The following ST3GAL4 variants were observed in gnomAD, a reference collection of about 807,000 sequenced individuals.
The protein encoded by ST3GAL4 is CMP-N-acetylneuraminate-beta-galactosamide-alpha-2,3-sialyltransferase 4.
A neutral mutation model predicts 42.6 loss-of-function variants in ST3GAL4; 24 were observed. The ratio of observed to expected loss-of-function variants is 0.56; its 90% CI spans 0.41 to 0.79. ST3GAL4 has a LOEUF of 0.79. Ranked by LOEUF, ST3GAL4 falls within the 30% of genes least tolerant of loss-of-function variation. The probability of loss-of-function intolerance (pLI) is 0.00; values close to 1 mark genes in which losing one functional copy is unlikely to be tolerated. For synonymous variants in ST3GAL4, 135 were observed against 163.2 expected (o/e 0.83, Z 1.32); for missense variants, 311 against 430.8 (o/e 0.72, Z 2.46).
chr11:126,393,337 T>A lies in ST3GAL4; in HGVS notation c.-60-12759T>A, dbSNP rs1953592877. 6.6e-6 allele frequency: 1 copy of A among 152,266 alleles called. No individual in the cohort carries two copies. The highest frequency in any genetic ancestry group is 1.5e-5 in the Non-Finnish European group (1 of 68,126). The allele number at this position is 152,266 out of a possible 1,614,324, so 9.4% of individuals were successfully genotyped here. A position where few individuals can be genotyped will look rare whatever the true frequency, so the allele number is the denominator to read the frequency against. On this transcript the variant is annotated intron_variant, in intron 1 of 10. Transcript: ENST00000444328. The surrounding 1 kb of genome is among the most constrained non-coding windows in gnomAD (Gnocchi z 5.9). ...GGTGGGTAGCTGGGTGGCCCGCCCC[T>A]TGCAGGCACTGGGGCAGGATATCAG...
chr11:126,407,371 G>A (rs774800524), intron 5 of ST3GAL4, 22 bp downstream of exon 5: 1 of 1,610,080 alleles, frequency 6.2e-7, no homozygotes, highest in South Asian at 1.1e-5. Flanking sequence ...CCCGGCTCGT[G>A]GGAACCATGG....
At position 126,400,617 on chromosome 11, in the gene ST3GAL4, G is replaced by A. The variant is rs1012492198; in HGVS notation, c.-60-5479G>A. Among the ~76,000 whole-genome samples the A allele has an allele frequency of 2.0e-5, 3 of 152,336 alleles. No homozygotes were observed. The highest frequency in any genetic ancestry group is 2.9e-5 in the Non-Finnish European group (2 of 68,034). ...CTAAGGGACCTTGGCTTCATGTAAG[G>A]AGTGCGGAGTGAGTGAAGCAAGAGG... On this transcript the variant is annotated intron_variant, in intron 1 of 10. Coordinates refer to ENST00000444328, the MANE Select transcript of ST3GAL4 (RefSeq NM_001254757.2). The surrounding 1 kb of genome is among the most constrained non-coding windows in gnomAD (Gnocchi z 4.6).
intron 1 of ST3GAL4, among the ~76,000 whole-genome samples, chr11:126,365,677 G>C (rs1231064891): frequency 1.3e-5 from 2 of 152,228 alleles, no homozygotes; most frequent in Non-Finnish European, 2.9e-5. Flanking sequence ...AATTGCTAAA[G>C]CCTCAGGGCT....
At chr11:126,399,512 A>C (rs1322726257) in intron 1 of ST3GAL4, among the ~76,000 whole-genome samples, 2 of 151,784 alleles carry the variant, frequency 1.3e-5, no homozygotes, top group Non-Finnish European at 2.9e-5. Flanking sequence ...TCATCATGTC[A>C]GCCAGGCTGG....
rs4480556 is a variant in ST3GAL4, at chr11:126,384,959, C to G, written c.-60-21137C>G. The G allele has an allele frequency of 0.13, 130,373 of 976,478 alleles. 8,900 individuals are homozygous for G. Among genetic ancestry groups the G allele is most frequent in the Non-Finnish European group, 0.14 (114,467 of 821,906 alleles). 60.5% of individuals were successfully genotyped at this position (976,478 alleles called of 1,614,324 possible). A position where few individuals can be genotyped will look rare whatever the true frequency, so the allele number is the denominator to read the frequency against. On this transcript the variant is annotated intron_variant, in intron 1 of 10. Transcript: ENST00000444328. This position sits in a 1 kb window ranked among gnomAD's most constrained non-coding sequence, Gnocchi z 5.5. Reference sequence around the variant, plus strand: ...CGCCTTGTGCCTGGGAAGGGAGGACCAGGTGTCGCTGGCACCTTCCACGTC... The same window carrying G: ...CGCCTTGTGCCTGGGAAGGGAGGACGAGGTGTCGCTGGCACCTTCCACGTC...
At chr11:126,412,691 C>T (rs1412106696) in intron 9 of ST3GAL4, among the ~76,000 whole-genome samples, 1 of 152,124 alleles carries the variant, frequency 6.6e-6, no homozygotes, top group South Asian at 2.1e-4. Context: ...AAAAATAGAG[C>T]GCCACCCCCA....
chr11:126,402,095 G>GGGGA (rs375059241), intron 1 of ST3GAL4, among the ~76,000 whole-genome samples: 10 of 148,196 alleles, frequency 6.7e-5, no homozygotes, highest in African/African-American at 2.5e-4. Flanking sequence ...GGGGGAAAGA[G>GGGGA]GGGAGGTAGG....
chr11:126,374,539 C>G (rs1018188136), intron 1 of ST3GAL4, among the ~76,000 whole-genome samples: 1 of 151,222 alleles, frequency 6.6e-6, no homozygotes, highest in African/African-American at 2.4e-5. Context: ...GAAAAGCATT[C>G]TTGACTGAGT....
chr11:126,397,154 C>G lies in ST3GAL4; in HGVS notation c.-60-8942C>G, dbSNP rs952029678. ...ACATTTCAGTTGTTAGTGGAACATG[C>G]AATACATCTTTATTCACATGTTATT... On this transcript the variant is annotated intron_variant, in intron 1 of 10. Transcript: ENST00000444328. This position sits in a 1 kb window ranked among gnomAD's most constrained non-coding sequence, Gnocchi z 5.0. Among the ~76,000 whole-genome samples the G allele has an allele frequency of 6.6e-6, 1 of 152,080 alleles. No homozygotes were observed. The highest frequency in any genetic ancestry group is 2.4e-5 in the African/African-American group (1 of 41,344).
At position 126,414,143 on chromosome 11, in the gene ST3GAL4, T is replaced by C; in HGVS notation, c.*96T>C. The C allele has an allele frequency of 1.7e-6, 2 of 1,202,614 alleles. No homozygotes were observed. Among genetic ancestry groups the C allele is most frequent in the Non-Finnish European group, 2.5e-6 (2 of 809,674 alleles). 74.5% of individuals were successfully genotyped at this position (1,202,614 alleles called of 1,614,324 possible). A position where few individuals can be genotyped will look rare whatever the true frequency, so the allele number is the denominator to read the frequency against. On this transcript the variant is annotated 3_prime_UTR_variant, in exon 11 of 11. Transcript: ENST00000444328. The stretch of plus-strand genomic sequence containing the variant: ...GGTGGCTGGTGCCAGTATGACCCAC[T>C]TGGACTCACCCCCTCTTGGGGAGGG...
At chr11:126,358,624 G>C in intron 1 of ST3GAL4, 1 of 293,982 alleles carries the variant, frequency 3.4e-6, no homozygotes, top group Admixed American at 4.1e-5. Context: ...TCAGCTTTCT[G>C]ACTGGAGCCC....
intron 4 of ST3GAL4, 62 bp from the exon 5 acceptor site, chr11:126,407,190 C>G: frequency 6.3e-7 from 1 of 1,577,670 alleles, no homozygotes; most frequent in Non-Finnish European, 8.7e-7. Flanking sequence ...TGGGCCTAAC[C>G]CTACTTCTGG....
chr11:126,399,586 C>T (rs565586938), intron 1 of ST3GAL4, among the ~76,000 whole-genome samples: 8 of 152,162 alleles, frequency 5.3e-5, no homozygotes, highest in Non-Finnish European at 8.8e-5. Context: ...GGATTACAGA[C>T]GTGAGCTACT....
intron 1 of ST3GAL4, among the ~76,000 whole-genome samples, chr11:126,401,243 G>A (rs909710517): frequency 3.3e-5 from 5 of 152,092 alleles, no homozygotes; most frequent in African/African-American, 1.2e-4. Flanking sequence ...GGGGAGAAGC[G>A]AGGTTCAAGG....
chr11:126,372,418 C>CTTT (rs576229954), intron 1 of ST3GAL4, among the ~76,000 whole-genome samples: 1 of 143,306 alleles, frequency 7.0e-6, no homozygotes, highest in Admixed American at 7.0e-5. Context: ...CTTTTCTTTT[C>CTTT]TTTTTTTTTT....
In ST3GAL4 at chr11:126,410,991, A is replaced by G. The variant is rs1326014795; in HGVS notation, c.771+1580A>G. ...GCTCCTCCAGCACTGAACTGTTTCCAGTACAAGTGGCGTTGAAGGGCAACA... is the reference window on the plus strand; with the variant it reads ...GCTCCTCCAGCACTGAACTGTTTCCGGTACAAGTGGCGTTGAAGGGCAACA... On this transcript the variant is annotated intron_variant, in intron 9 of 10. Transcript: ENST00000444328. The surrounding 1 kb of genome is among the most constrained non-coding windows in gnomAD (Gnocchi z 5.3). 6.6e-6 allele frequency among the ~76,000 whole-genome samples: 1 copy of G among 152,198 alleles called. No individual in the cohort carries two copies. The highest frequency in any genetic ancestry group is 1.9e-4 in the East Asian group (1 of 5,190).
At chr11:126,405,972 C>T in intron 1 of ST3GAL4, 124 bp from the exon 2 acceptor site, 1 of 1,167,994 alleles carries the variant, frequency 8.6e-7, no homozygotes, top group Admixed American at 2.1e-5. Flanking sequence ...AGGATGATTG[C>T]CCCAGGGAGC....
chr11:126,407,921 G>C (rs898352759), intron 6 of ST3GAL4, among the ~76,000 whole-genome samples, 178 bp from the exon 7 acceptor site: 9 of 152,192 alleles, frequency 5.9e-5, no homozygotes, highest in Non-Finnish European at 1.3e-4. Flanking sequence ...CTCTTACAAA[G>C]CCCAGGGCTG....
At chr11:126,407,218 T>G in intron 4 of ST3GAL4, 34 bp from the exon 5 acceptor site, 1 of 1,608,012 alleles carries the variant, frequency 6.2e-7, no homozygotes, top group Non-Finnish European at 8.5e-7. Flanking sequence ...ATTAATTCTG[T>G]TCTCATCCCC....
Sources: allele counts gnomAD v4.1 joint callset (sites outside exome capture counted in the v4.1 genomes callset), GRCh38; gene constraint gnomAD v4.1.1; non-coding constraint Gnocchi (gnomAD v3.1); transcripts MANE v1.5; gene names NCBI Gene and HGNC (gene_info 2026-07-23, HGNC 2026-07-21).